CHRM2: variants seen among roughly 807,000 people sequenced by gnomAD.
The protein encoded by CHRM2 is muscarinic acetylcholine receptor M2.
A neutral mutation model predicts 25.0 loss-of-function variants in CHRM2; 8 were observed. The observed-to-expected ratio is 0.32, with a 90% CI of 0.19 to 0.58. The LOEUF (loss-of-function observed/expected upper bound fraction) is 0.58. Among genes scored for constraint, CHRM2 ranks in the 20% least tolerant of loss-of-function variants. The pLI, the probability that CHRM2 is intolerant of heterozygous loss-of-function variation, is 0.88. For missense variants in CHRM2, 440 were observed against 567.1 expected (o/e 0.78, Z 2.28); for synonymous variants, 202 against 205.7 (o/e 0.98, Z 0.15).
At chr7:137,012,267 T>A (rs909813841) in intron 3 of CHRM2, among the ~76,000 whole-genome samples, 1 of 152,084 alleles carries the variant, frequency 6.6e-6, no homozygotes, top group Non-Finnish European at 1.5e-5. Flanking sequence ...TACAGTTAGC[T>A]GAGCTATTAA....
intron 2 of CHRM2, among the ~76,000 whole-genome samples, chr7:136,891,768 A>G (rs538861288): frequency 1.3e-5 from 2 of 152,112 alleles, no homozygotes; most frequent in East Asian, 1.9e-4. Flanking sequence ...TTCCTTTTAT[A>G]TTAGCATTTA....
chr7:136,903,030 C>CAATA (rs1466430799), intron 2 of CHRM2: 1 of 495,058 alleles, frequency 2.0e-6, no homozygotes, highest in Non-Finnish European at 4.0e-6. Context: ...CAACTTTAAA[C>CAATA]AATAGGCCAG....
At chr7:136,908,229 A>G (rs1348223203) in intron 2 of CHRM2, among the ~76,000 whole-genome samples, 2 of 151,902 alleles carry the variant, frequency 1.3e-5, no homozygotes, top group Non-Finnish European at 2.9e-5. Context: ...TACGTCCAGC[A>G]GAACAGTTTT....
In CHRM2 at chr7:137,019,856, G is replaced by A. The variant is rs1341775494; in HGVS notation, c.*3590G>A. On this transcript the variant is annotated 3_prime_UTR_variant, in exon 4 of 4. Transcript: ENST00000680005. ...TTTGATCCTGAAGATCTGACATTGG[G>A]AGAGATGGGAATTCAAAATGATGGC... The A allele has an allele frequency of 6.6e-6, 1 of 151,836 alleles. No individual in the cohort carries two copies. Among genetic ancestry groups the A allele is most frequent in the African/African-American group, 2.4e-5 (1 of 41,392 alleles). The allele number at this position is 151,836 out of a possible 1,614,324, so 9.4% of individuals were successfully genotyped here. A position where few individuals can be genotyped will look rare whatever the true frequency, so the allele number is the denominator to read the frequency against.
chr7:136,994,384 G>A (rs1260988519), intron 3 of CHRM2, among the ~76,000 whole-genome samples: 2 of 151,904 alleles, frequency 1.3e-5, no homozygotes, highest in African/African-American at 4.8e-5. Context: ...TTATGACTTT[G>A]CCTTAAAAAA....
At chr7:136,959,091 G>C (rs749836418) in intron 2 of CHRM2, among the ~76,000 whole-genome samples, 2 of 152,126 alleles carry the variant, frequency 1.3e-5, no homozygotes, top group African/African-American at 2.4e-5. Context: ...AATATCATGT[G>C]AACAATGGTG....
At chr7:136,962,810 A>T (rs941504024) in intron 2 of CHRM2, among the ~76,000 whole-genome samples, 9 of 152,202 alleles carry the variant, frequency 5.9e-5, no homozygotes, top group African/African-American at 2.2e-4. Flanking sequence ...AAACCGCCTC[A>T]TTGTGACTCA....
intron 3 of CHRM2, among the ~76,000 whole-genome samples, chr7:137,009,362 C>T (rs192662750): frequency 9.9e-5 from 15 of 152,152 alleles, no homozygotes; most frequent in African/African-American, 3.4e-4. Flanking sequence ...TTCATTAATT[C>T]ACATGGTGAT....
intron 2 of CHRM2, among the ~76,000 whole-genome samples, chr7:136,931,859 A>G (rs1799124489): frequency 6.6e-6 from 1 of 152,256 alleles, no homozygotes; most frequent in South Asian, 2.1e-4. Flanking sequence ...TATCTAGAAT[A>G]CACCTAAAAT....
intron 2 of CHRM2, among the ~76,000 whole-genome samples, chr7:136,959,154 C>G (rs966746136): frequency 6.6e-6 from 1 of 152,190 alleles, no homozygotes; most frequent in Non-Finnish European, 1.5e-5. Context: ...TAGCTTCTAT[C>G]CTCTAATAGT....
intron 3 of CHRM2, among the ~76,000 whole-genome samples, chr7:136,994,587 A>G (rs1338349837): frequency 3.3e-4 from 44 of 134,722 alleles, no homozygotes; most frequent in African/African-American, 1.2e-3. Context: ...CTGAAGTGCA[A>G]TGGCACGATC....
chr7:136,985,073 T>C lies in CHRM2; in HGVS notation c.-124-7114T>C, dbSNP rs150923909. On this transcript the variant is annotated intron_variant, in intron 2 of 3. Coordinates refer to ENST00000680005, the MANE Select transcript of CHRM2 (RefSeq NM_001006630.2). ...GTATTCTATAGAATAAACTTTGTCATTGCTGTTCTAGTATCATGGTAAGGT... is the reference window on the plus strand; with the variant it reads ...GTATTCTATAGAATAAACTTTGTCACTGCTGTTCTAGTATCATGGTAAGGT... Among the ~76,000 whole-genome samples the C allele has an allele frequency of 3.9e-5, 6 of 152,228 alleles. No homozygotes were observed. In the East Asian group the frequency reaches 1.2e-3, roughly 29 times the overall value.
intron 2 of CHRM2, among the ~76,000 whole-genome samples, chr7:136,952,707 T>A (rs1192416726): frequency 3.9e-5 from 6 of 152,170 alleles, no homozygotes; most frequent in Non-Finnish European, 1.5e-5. Flanking sequence ...TTTTTCCTGA[T>A]CCTCTTCTTC....
intron 2 of CHRM2, among the ~76,000 whole-genome samples, chr7:136,970,283 T>C (rs1249216153): frequency 6.6e-6 from 1 of 152,190 alleles, no homozygotes; most frequent in African/African-American, 2.4e-5. Context: ...TCTATCTCTT[T>C]ATCTTTTATC....
intron 2 of CHRM2, among the ~76,000 whole-genome samples, chr7:136,977,858 G>T (rs1444617368): frequency 6.6e-6 from 1 of 152,124 alleles, no homozygotes; most frequent in Non-Finnish European, 1.5e-5. Flanking sequence ...TCCAGAATTT[G>T]TATAGCTTGA....
rs576834830 is a variant in CHRM2, at chr7:136,931,990, A to T, written c.-124-60197A>T. On this transcript the variant is annotated intron_variant, in intron 2 of 3. Coordinates refer to ENST00000680005, the MANE Select transcript of CHRM2 (RefSeq NM_001006630.2). ...GTTGCCTTAGAAACCAGCACAAAGG[A>T]CAAGGGGGCCAAACTTCTGAGATTT... Among the ~76,000 whole-genome samples, 3 of 152,348 alleles carry T rather than the reference A, an allele frequency of 2.0e-5. No individual in the cohort carries two copies. In the South Asian group the frequency reaches 6.2e-4, roughly 32 times the overall value.
At chr7:136,980,729 T>G (rs1802430292) in intron 2 of CHRM2, among the ~76,000 whole-genome samples, 1 of 152,232 alleles carries the variant, frequency 6.6e-6, no homozygotes, top group Non-Finnish European at 1.5e-5. Flanking sequence ...GTTCTGTTTA[T>G]GAGATGGATT....
intron 2 of CHRM2, among the ~76,000 whole-genome samples, chr7:136,950,394 G>A (rs1207248379): frequency 6.6e-6 from 1 of 152,082 alleles, no homozygotes; most frequent in Non-Finnish European, 1.5e-5. Flanking sequence ...GGGTGGGAGT[G>A]GGGATCAGGG....
chr7:136,951,604 A>G lies in CHRM2; in HGVS notation c.-124-40583A>G, dbSNP rs569418840. ...GTTGGCATATGGGAAGAGGATGAAA[A>G]GGGATGATTCGCTGTCCTTTCCTAA... is the stretch of plus-strand genomic sequence containing the variant. On this transcript the variant is annotated intron_variant, in intron 2 of 3. Transcript: ENST00000680005. 3.3e-5 allele frequency among the ~76,000 whole-genome samples: 5 copies of G among 152,276 alleles called. No homozygotes were observed. In the South Asian group the frequency reaches 1.0e-3, roughly 32 times the overall value.
Sources: gnomAD v4.1 joint callset for allele counts (sites outside exome capture counted in the v4.1 genomes callset) on GRCh38, gnomAD v4.1.1 for gene constraint, MANE v1.5 for transcripts, NCBI Gene and HGNC (gene_info 2026-07-23, HGNC 2026-07-21) for gene names.